DOK5: variants seen among roughly 807,000 people sequenced by gnomAD.
DOK5 encodes the protein docking protein 5.
In DOK5, 27 loss-of-function variants were observed where a neutral mutation model predicts 43.3. The observed-to-expected ratio is 0.62, with a 90% CI of 0.46 to 0.86. The LOEUF (loss-of-function observed/expected upper bound fraction) is 0.86, where lower values mean the gene tolerates loss of function less well. DOK5 is among the 40% of genes least tolerant of loss of function. DOK5 has a pLI of 0.00. For synonymous variants in DOK5, 146 were observed against 140.1 expected, an observed-to-expected ratio of 1.04 and a Z score of -0.30; for missense variants, 373 against 392.9, an observed-to-expected ratio of 0.95 and a Z score of 0.43.
At chr20:54,586,426 C>T (rs1410340088) in intron 2 of DOK5, among the ~76,000 whole-genome samples, 1 of 152,092 alleles carries the variant, frequency 6.6e-6, no homozygotes, top group African/African-American at 2.4e-5. Context: ...TCTAGAAGCA[C>T]CATACAAGTA....
chr20:54,570,403 G>T (rs1410198574), intron 2 of DOK5, among the ~76,000 whole-genome samples: 1 of 152,128 alleles, frequency 6.6e-6, no homozygotes, highest in Non-Finnish European at 1.5e-5. Context: ...TAATTAAATT[G>T]TTTTTTAAGA....
intron 6 of DOK5, among the ~76,000 whole-genome samples, chr20:54,634,005 G>T (rs1978693478): frequency 6.6e-6 from 1 of 152,208 alleles, no homozygotes; most frequent in African/African-American, 2.4e-5. Flanking sequence ...ACCTGCCACT[G>T]CTCTGCACTC....
At chr20:54,560,639 A>G (rs1222864694) in intron 2 of DOK5, among the ~76,000 whole-genome samples, 3 of 152,000 alleles carry the variant, frequency 2.0e-5, no homozygotes, top group Non-Finnish European at 4.4e-5. Flanking sequence ...TCCTTTTTTC[A>G]GATGGAGTTT....
intron 5 of DOK5, among the ~76,000 whole-genome samples, chr20:54,593,962 T>C (rs1057396895): frequency 3.9e-5 from 6 of 151,904 alleles, no homozygotes; most frequent in Non-Finnish European, 1.5e-5. Flanking sequence ...TATGGATACA[T>C]AGAAGGGAAC....
intron 1 of DOK5, among the ~76,000 whole-genome samples, chr20:54,549,204 G>A (rs1443698919): frequency 6.6e-6 from 1 of 152,080 alleles, no homozygotes; most frequent in African/African-American, 2.4e-5. Flanking sequence ...ATGGTAAAGA[G>A]CAAATTTGTC....
chr20:54,615,204 G>A (rs1986768033), intron 6 of DOK5, among the ~76,000 whole-genome samples: 1 of 152,174 alleles, frequency 6.6e-6, no homozygotes, highest in African/African-American at 2.4e-5. Context: ...ATTTCAGTCA[G>A]CCTTATGACC....
In DOK5 at chr20:54,516,533, G is replaced by A. The variant is rs536234874; in HGVS notation, c.67-38400G>A. Among the ~76,000 whole-genome samples the A allele has an allele frequency of 9.2e-5, 14 of 152,288 alleles. 1 individual carries two copies. The East Asian group carries it at 1.9e-3, about 21-fold the overall frequency. On this transcript the variant is annotated intron_variant, in intron 1 of 7. Transcript: ENST00000262593. ...CTTCCTTGGGTTGTGGGTAGAGTAT[G>A]CTATCATATCTGAACTGTGTGTTCC...
chr20:54,484,997 G>A (rs565325963), intron 1 of DOK5, among the ~76,000 whole-genome samples: 11 of 152,240 alleles, frequency 7.2e-5, no homozygotes, highest in African/African-American at 2.4e-4. Flanking sequence ...CAGCCTGAAC[G>A]ACAGAGCAAG....
chr20:54,506,661 C>T (rs145054246), intron 1 of DOK5, among the ~76,000 whole-genome samples: 57 of 152,226 alleles, frequency 3.7e-4, no homozygotes, highest in South Asian at 2.5e-3. Context: ...GGAGTCTCTC[C>T]GGTTGCCCAG....
intron 5 of DOK5, among the ~76,000 whole-genome samples, chr20:54,604,932 G>A (rs567976277): frequency 1.0e-3 from 159 of 151,850 alleles, no homozygotes; most frequent in South Asian, 4.4e-3. Context: ...CCTGGAAGGT[G>A]GAAAGGTTGC....
intron 1 of DOK5, 187 bp downstream of exon 1, chr20:54,476,199 C>G: frequency 3.0e-6 from 3 of 985,402 alleles, no homozygotes; most frequent in Non-Finnish European, 3.6e-6. Flanking sequence ...TGTAATGGAT[C>G]TATCTTTATC....
At chr20:54,501,951 G>C (rs1347656246) in intron 1 of DOK5, among the ~76,000 whole-genome samples, 1 of 152,176 alleles carries the variant, frequency 6.6e-6, no homozygotes, top group African/African-American at 2.4e-5. Flanking sequence ...TGCTATGCTT[G>C]CTAACAATGG....
At chr20:54,585,685 G>T (rs561594197) in intron 2 of DOK5, among the ~76,000 whole-genome samples, 21 of 152,230 alleles carry the variant, frequency 1.4e-4, no homozygotes, top group Non-Finnish European at 2.8e-4. Flanking sequence ...CAGGCTTTAG[G>T]GTTAGTTTGC....
intron 6 of DOK5, among the ~76,000 whole-genome samples, chr20:54,617,146 T>C (rs1337460536): frequency 6.6e-6 from 1 of 152,092 alleles, no homozygotes; most frequent in Non-Finnish European, 1.5e-5. Flanking sequence ...CTTGGGGTTG[T>C]GGGATTGAGG....
chr20:54,488,284 G>GGAGAAGTCTTCACTGGTTT (rs1178196743), intron 1 of DOK5, among the ~76,000 whole-genome samples: 29 of 152,174 alleles, frequency 1.9e-4, no homozygotes, highest in Non-Finnish European at 3.5e-4. Flanking sequence ...TTGTCCTCTT[G>GGAGAAGTCTTCACTGGTTT]GAGAAGTCTT....
In DOK5 at chr20:54,555,051, A is replaced by C. The variant is rs1373571502; in HGVS notation, c.174+11A>C. 1 of 1,563,738 alleles carries C rather than the reference A, an allele frequency of 6.4e-7. No homozygotes were observed. Among genetic ancestry groups the C allele is most frequent in the South Asian group, 1.1e-5 (1 of 90,068 alleles). ...AGGTGTTATCATAAGGTAAGACTCAATTGCTGTAGCTTTCCAGTAATCTAT... is the reference window on the plus strand; with the variant it reads ...AGGTGTTATCATAAGGTAAGACTCACTTGCTGTAGCTTTCCAGTAATCTAT... On this transcript the variant is annotated intron_variant, in intron 2 of 7. Coordinates refer to ENST00000262593, the MANE Select transcript of DOK5 (RefSeq NM_018431.5).
intron 5 of DOK5, among the ~76,000 whole-genome samples, chr20:54,597,074 T>G (rs1986163283): frequency 6.6e-6 from 1 of 152,250 alleles, no homozygotes. Flanking sequence ...AAGAGGGTAC[T>G]GTTGCTATCA....
intron 2 of DOK5, among the ~76,000 whole-genome samples, chr20:54,556,242 C>A (rs1984703904): frequency 6.6e-6 from 1 of 152,176 alleles, no homozygotes. Flanking sequence ...TTCTCCCACT[C>A]CCAGCCTTTC....
chr20:54,618,310 C>T (rs1986876259), intron 6 of DOK5, among the ~76,000 whole-genome samples: 1 of 151,902 alleles, frequency 6.6e-6, no homozygotes, highest in African/African-American at 2.4e-5. Context: ...CTCTTATGTC[C>T]CCACTGAGCA....
Sources: allele counts gnomAD v4.1 joint callset (sites outside exome capture counted in the v4.1 genomes callset), GRCh38; gene constraint gnomAD v4.1.1; transcripts MANE v1.5; gene names NCBI Gene and HGNC (gene_info 2026-07-23, HGNC 2026-07-21).